The following TNS3 variants were observed in gnomAD, a reference collection of about 807,000 sequenced individuals.
TNS3 encodes tensin 3.
In TNS3, 45 loss-of-function variants were observed where a neutral mutation model predicts 140.9. The ratio of observed to expected loss-of-function variants is 0.32; its 90% CI spans 0.25 to 0.41. The LOEUF is 0.41. Among genes scored for constraint, TNS3 ranks in the 10% least tolerant of loss-of-function variants. TNS3 has a pLI of 1.00. For synonymous variants in TNS3, 815 were observed against 788.4 expected, an observed-to-expected ratio of 1.03 and a Z score of -0.56; for missense variants, 1,716 against 1,906.7, an observed-to-expected ratio of 0.90 and a Z score of 1.86.
chr7:47,385,420 C>A (rs2151252675), intron 16 of TNS3, among the ~76,000 whole-genome samples: 1 of 152,334 alleles, frequency 6.6e-6, no homozygotes, highest in Non-Finnish European at 1.5e-5. Context: ...CCAGCCCTGT[C>A]CTGGCCTCTG....
chr7:47,281,609 T>G (rs1291631992), intron 28 of TNS3, among the ~76,000 whole-genome samples: 6 of 152,132 alleles, frequency 3.9e-5, no homozygotes, highest in Non-Finnish European at 7.4e-5. Context: ...AGATCCCCCT[T>G]TTGTCTAGAA....
chr7:47,479,364 C>G (rs1359357606), intron 4 of TNS3, among the ~76,000 whole-genome samples: 1 of 152,208 alleles, frequency 6.6e-6, no homozygotes, highest in African/African-American at 2.4e-5. Flanking sequence ...CTGGGGCCAC[C>G]TGGGCCTCAG....
chr7:47,370,944 G>T (rs1040687290), intron 16 of TNS3, among the ~76,000 whole-genome samples: 3 of 152,232 alleles, frequency 2.0e-5, no homozygotes, highest in Non-Finnish European at 2.9e-5. Flanking sequence ...TGAAAACACT[G>T]GGACAACGTG....
Position 47,342,122 on chromosome 7 carries a change from C to T in TNS3, c.2650+2633G>A, listed in dbSNP as rs556158417. On this transcript the variant is annotated intron_variant, in intron 20 of 30. Coordinates refer to ENST00000311160, the MANE Select transcript of TNS3 (RefSeq NM_022748.12). ...AGTCCTCTGAAGATTGTTTCCTGGC[C>T]CATAGATATTATAAATAAGGCCTAC... Among the ~76,000 whole-genome samples, 5 of 152,152 alleles carry T rather than the reference C, an allele frequency of 3.3e-5. No individual in the cohort carries two copies. In the South Asian group the frequency reaches 1.0e-3, roughly 32 times the overall value.
intron 1 of TNS3, among the ~76,000 whole-genome samples, chr7:47,563,274 T>C (rs947828143): frequency 6.6e-6 from 1 of 152,202 alleles, no homozygotes; most frequent in Non-Finnish European, 1.5e-5. Flanking sequence ...TCCACAGCCC[T>C]ACCATCTGGA....
At chr7:47,412,495 G>A (rs1488272601) in intron 12 of TNS3, among the ~76,000 whole-genome samples, 1 of 152,208 alleles carries the variant, frequency 6.6e-6, no homozygotes, top group Admixed American at 6.5e-5. Flanking sequence ...GCAGGTGCCT[G>A]TAATCCCAGC....
intron 2 of TNS3, among the ~76,000 whole-genome samples, chr7:47,511,651 A>G (rs910441773): frequency 6.6e-6 from 1 of 151,876 alleles, no homozygotes; most frequent in Non-Finnish European, 1.5e-5. Flanking sequence ...GGCTCTCAGA[A>G]TGGGGTAAGG....
At chr7:47,538,982 G>A in intron 1 of TNS3, 1 of 456,166 alleles carries the variant, frequency 2.2e-6, no homozygotes, top group Non-Finnish European at 4.4e-6. Flanking sequence ...ACATAGCAGT[G>A]CCTACAAACA....
intron 20 of TNS3, among the ~76,000 whole-genome samples, chr7:47,329,683 G>C (rs1334557583): frequency 6.6e-6 from 1 of 152,210 alleles, no homozygotes; most frequent in African/African-American, 2.4e-5. Flanking sequence ...AGCAGGCTCA[G>C]CGGAAGCGGA....
intron 20 of TNS3, among the ~76,000 whole-genome samples, chr7:47,321,604 T>C (rs1396607277): frequency 6.6e-6 from 1 of 152,192 alleles, no homozygotes; most frequent in Non-Finnish European, 1.5e-5. Flanking sequence ...CAGGTGGTTC[T>C]CTCTCCAAGA....
intron 16 of TNS3, among the ~76,000 whole-genome samples, chr7:47,374,276 C>T (rs900501069): frequency 3.0e-4 from 46 of 152,156 alleles, no homozygotes; most frequent in African/African-American, 1.1e-3. Context: ...GAGACAGAGC[C>T]CTGGCAAACA....
chr7:47,577,335 A>G (rs1800698208), intron 1 of TNS3, among the ~76,000 whole-genome samples: 2 of 152,246 alleles, frequency 1.3e-5, no homozygotes. Flanking sequence ...AGGAAGAGGA[A>G]GGGCAGACAA....
At position 47,433,883 on chromosome 7, in the gene TNS3, ATCTCTCTCTCTCTCTC is replaced by A. The variant is rs55743320; in HGVS notation, c.324+1383_324+1398del. Among the ~76,000 whole-genome samples the A allele has an allele frequency of 2.9e-3, 435 of 149,548 alleles. 1 individual carries two copies. The highest frequency in any genetic ancestry group is 1.0e-2 in the African/African-American group (406 of 40,612). On this transcript the variant is annotated intron_variant, in intron 8 of 30. Transcript: ENST00000311160. The stretch of plus-strand genomic sequence containing the variant: ...TATTTATTTAAAAGTCCGTCTGTCT[ATCTCTCTCTCTCTCTC>A]TCTCTCTCTCTCTCTCTCTCTCTTA...
intron 16 of TNS3, among the ~76,000 whole-genome samples, chr7:47,376,711 A>T (rs2151194194): frequency 6.7e-6 from 1 of 150,076 alleles, no homozygotes; most frequent in South Asian, 2.1e-4. Context: ...TTCACAGATC[A>T]ACTATCTAGA....
At position 47,303,257 on chromosome 7, in the gene TNS3, G is replaced by C. The variant is rs548237094; in HGVS notation, c.3150C>G (p.Thr1050=). 1.4e-5 allele frequency: 23 copies of C among 1,613,706 alleles called. No individual in the cohort carries two copies. The East Asian group carries it at 4.9e-4, about 34-fold the overall frequency. The change falls in exon 22 of 31, where the codon ACC becomes ACG. Residue 1050 remains threonine (T), a synonymous_variant. Coordinates refer to ENST00000311160, the MANE Select transcript of TNS3 (RefSeq NM_022748.12). ...LLANSHGASP[T]PSIPLTATGA... is the part of the protein sequence containing the mutation. ...CTGTCGCTGTCAGCGGGATGCTGGG[G>C]GTCGGTGACGCTCCATGAGAATTGG...
At position 47,424,180 on chromosome 7, in the gene TNS3, C is replaced by T. The variant is rs2151476239; in HGVS notation, c.394G>A (p.Asp132Asn). 4.3e-6 allele frequency: 7 copies of T among 1,613,992 alleles called. No individual in the cohort carries two copies. Among genetic ancestry groups the T allele is most frequent in the South Asian group, 2.2e-5 (2 of 91,026 alleles). ...ATTGCAAACCTGTCAAGGGCCTGGTCGGCGCTGAAGGGGAGAGAGAGAGAA... is the reference window on the plus strand; with the variant it reads ...ATTGCAAACCTGTCAAGGGCCTGGTTGGCGCTGAAGGGGAGAGAGAGAGAA... Reference protein sequence around the residue: ...MHFTNVSASADQALDRFAMKK... With the variant: ...MHFTNVSASANQALDRFAMKK... Residue 132 changes from aspartate to asparagine, a missense_variant, in exon 10 of 31, where the codon GAC (aspartate) becomes AAC (asparagine). By Grantham distance (23) the Asp-to-Asn change is conservative. Coordinates refer to ENST00000311160, the MANE Select transcript of TNS3 (RefSeq NM_022748.12).
At chr7:47,381,477 C>A (rs1041863998) in intron 16 of TNS3, among the ~76,000 whole-genome samples, 2 of 152,174 alleles carry the variant, frequency 1.3e-5, no homozygotes, top group African/African-American at 2.4e-5. Context: ...GCCACAATAC[C>A]AACCACACAC....
At chr7:47,475,371 A>G (rs923062295) in intron 4 of TNS3, among the ~76,000 whole-genome samples, 2 of 152,382 alleles carry the variant, frequency 1.3e-5, no homozygotes, top group Admixed American at 6.5e-5. Context: ...AAGCAAGAAC[A>G]ATCACAGCGT....
At chr7:47,491,848 C>T (rs1216486744) in intron 3 of TNS3, among the ~76,000 whole-genome samples, 1 of 152,140 alleles carries the variant, frequency 6.6e-6, no homozygotes, top group Non-Finnish European at 1.5e-5. Context: ...AGAGATGGCC[C>T]CGGGTGTATG....
Sources: allele counts gnomAD v4.1 joint callset (sites outside exome capture counted in the v4.1 genomes callset), GRCh38; gene constraint gnomAD v4.1.1; transcripts MANE v1.5; gene names NCBI Gene and HGNC (gene_info 2026-07-23, HGNC 2026-07-21).